Variants in CTNNA2 observed in about 807,000 individuals in gnomAD.
CTNNA2 encodes catenin alpha-2.
In CTNNA2, 42 loss-of-function variants were observed where a neutral mutation model predicts 101.0. The ratio of observed to expected loss-of-function variants is 0.42; its 90% CI spans 0.32 to 0.54. CTNNA2 has a LOEUF of 0.54. CTNNA2 is among the 20% of genes least tolerant of loss of function. The probability of loss-of-function intolerance (pLI) is 0.14; values close to 1 mark genes in which losing one functional copy is unlikely to be tolerated. For missense variants in CTNNA2, 871 were observed against 1,223.1 expected, an observed-to-expected ratio of 0.71 and a Z score of 4.29; for synonymous variants, 450 against 456.4, an observed-to-expected ratio of 0.99 and a Z score of 0.18.
At chr2:79,611,394 G>T (rs1459855262) in intron 1 of CTNNA2, among the ~76,000 whole-genome samples, 1 of 152,074 alleles carries the variant, frequency 6.6e-6, no homozygotes, top group African/African-American at 2.4e-5. Flanking sequence ...CCTGTGCAAG[G>T]AAGGTTCTCT....
intron 4 of CTNNA2, among the ~76,000 whole-genome samples, chr2:79,418,760 G>T (rs1334066277): frequency 6.6e-6 from 1 of 152,048 alleles, no homozygotes; most frequent in African/African-American, 2.4e-5. Context: ...ATGATGTGAG[G>T]TTCTGCTAGC....
At chr2:80,102,443 C>T (rs1348617772) in intron 7 of CTNNA2, among the ~76,000 whole-genome samples, 1 of 152,188 alleles carries the variant, frequency 6.6e-6, no homozygotes, top group Non-Finnish European at 1.5e-5. Flanking sequence ...TTGATTCCTC[C>T]TGTAGGCAAG....
chr2:80,462,627 C>CTTTTTTTTTTTTTT (rs1161384853), intron 9 of CTNNA2, among the ~76,000 whole-genome samples: 16 of 114,362 alleles, frequency 1.4e-4, no homozygotes, highest in African/African-American at 5.9e-4. Context: ...TTCTTTCTTT[C>CTTTTTTTTTTTTTT]TTTCTTTTTT....
intron 9 of CTNNA2, among the ~76,000 whole-genome samples, chr2:80,449,423 C>T (rs1683318113): frequency 6.6e-6 from 1 of 152,100 alleles, no homozygotes. Context: ...TTAGAAAGAA[C>T]AAACCAAAAA....
At chr2:79,687,800 A>C in intron 2 of CTNNA2, 1 of 471,766 alleles carries the variant, frequency 2.1e-6, no homozygotes, top group Non-Finnish European at 3.7e-6. Context: ...CAGGCGCCAA[A>C]AATGGATTTC....
chr2:80,274,812 T>C (rs1403024322), intron 7 of CTNNA2, among the ~76,000 whole-genome samples: 1 of 152,138 alleles, frequency 6.6e-6, no homozygotes, highest in Non-Finnish European at 1.5e-5. Context: ...ACATGTCAGC[T>C]CTTTGGAGAA....
chr2:79,628,097 G>T (rs536656515), intron 1 of CTNNA2, among the ~76,000 whole-genome samples: 1 of 152,086 alleles, frequency 6.6e-6, no homozygotes, highest in Admixed American at 6.6e-5. Context: ...AAATTAGTTG[G>T]TATTTTGACC....
At chr2:79,686,050 T>C (rs1239201789) in intron 2 of CTNNA2, among the ~76,000 whole-genome samples, 2 of 152,000 alleles carry the variant, frequency 1.3e-5, no homozygotes, top group African/African-American at 4.8e-5. Context: ...CAATAATTGT[T>C]GGAGGACAAA....
chr2:79,849,229 G>A lies in CTNNA2; in HGVS notation c.299-8784G>A, dbSNP rs184231782. On this transcript the variant is annotated intron_variant, in intron 3 of 18. Coordinates refer to ENST00000402739, the MANE Select transcript of CTNNA2 (RefSeq NM_001282597.3). ...CCACTACCCTTGGTAGAAAGACAAA[G>A]GGACAGGCAGCCTTCTTATTTTATA... Among the ~76,000 whole-genome samples the A allele has an allele frequency of 1.5e-3, 223 of 151,878 alleles. 1 individual carries two copies. The highest frequency in any genetic ancestry group is 4.9e-3 in the African/African-American group (202 of 41,428).
At chr2:79,550,294 C>T (rs1674016046) in intron 1 of CTNNA2, among the ~76,000 whole-genome samples, 1 of 152,130 alleles carries the variant, frequency 6.6e-6, no homozygotes, top group Non-Finnish European at 1.5e-5. Context: ...AACTTCGGAC[C>T]TTTAAATTGA....
At position 79,925,972 on chromosome 2, in the gene CTNNA2, T is replaced by C. The variant is rs189439892; in HGVS notation, c.1056+16175T>C. Among the ~76,000 whole-genome samples the C allele has an allele frequency of 1.9e-4, 29 of 152,234 alleles. No homozygotes were observed. In the East Asian group the frequency reaches 4.2e-3, roughly 22 times the overall value. On this transcript the variant is annotated intron_variant, in intron 7 of 18. Coordinates refer to ENST00000402739, the MANE Select transcript of CTNNA2 (RefSeq NM_001282597.3). ...TTCGGCCAATCTGTGATAATACTCA[T>C]GGATCTGAAGATTACGATAGAATAG...
intron 9 of CTNNA2, among the ~76,000 whole-genome samples, chr2:80,468,428 A>ATTTT (rs531265735): frequency 3.3e-5 from 5 of 151,404 alleles, no homozygotes; most frequent in African/African-American, 1.2e-4. Flanking sequence ...TTATTTATTT[A>ATTTT]TTTTTTTTGA....
At chr2:79,434,295 C>CAAA (rs367927495) in intron 4 of CTNNA2, among the ~76,000 whole-genome samples, 23 of 95,476 alleles carry the variant, frequency 2.4e-4, no homozygotes, top group Non-Finnish European at 3.7e-4. Context: ...GAGACTCTGT[C>CAAA]AAAAAAAAAA....
intron 7 of CTNNA2, among the ~76,000 whole-genome samples, chr2:80,366,138 A>C (rs1674910046): frequency 6.6e-6 from 1 of 152,118 alleles, no homozygotes; most frequent in Admixed American, 6.6e-5. Context: ...TTCAGGGAAG[A>C]CCTAAGGACT....
intron 1 of CTNNA2, among the ~76,000 whole-genome samples, chr2:79,618,398 C>T (rs1037762050): frequency 6.6e-6 from 1 of 152,072 alleles, no homozygotes; most frequent in Non-Finnish European, 1.5e-5. Flanking sequence ...CCTTCTGGCC[C>T]CATGTTCCGA....
chr2:79,990,388 G>A (rs1350611039), intron 7 of CTNNA2, among the ~76,000 whole-genome samples: 1 of 152,112 alleles, frequency 6.6e-6, no homozygotes, highest in Non-Finnish European at 1.5e-5. Flanking sequence ...CTGATACCAG[G>A]AAGAGTACAG....
At chr2:80,097,589 C>G (rs1700238495) in intron 7 of CTNNA2, among the ~76,000 whole-genome samples, 1 of 152,170 alleles carries the variant, frequency 6.6e-6, no homozygotes, top group South Asian at 2.1e-4. Context: ...TGGATAATAT[C>G]CCGCAGAGTG....
intron 16 of CTNNA2, 66 bp downstream of exon 16, chr2:80,604,245 A>ACTAG: frequency 7.6e-7 from 1 of 1,307,846 alleles, no homozygotes. Flanking sequence ...GGGTTTTGTA[A>ACTAG]CTAGTTTTAT....
intron 9 of CTNNA2, among the ~76,000 whole-genome samples, chr2:80,476,453 C>G (rs1011932464): frequency 1.3e-5 from 2 of 152,116 alleles, no homozygotes; most frequent in African/African-American, 4.8e-5. Context: ...GTTTGACAAT[C>G]AGTCAATTCT....
Sources: allele counts gnomAD v4.1 joint callset (sites outside exome capture counted in the v4.1 genomes callset), GRCh38; gene constraint gnomAD v4.1.1; transcripts MANE v1.5; gene names NCBI Gene and HGNC (gene_info 2026-07-23, HGNC 2026-07-21).